Variants in ZFPM2 observed in about 807,000 individuals in gnomAD.
ZFPM2 encodes zinc finger protein, FOG family member 2.
A neutral mutation model predicts 98.6 loss-of-function variants in ZFPM2; 20 were observed. That is an observed-to-expected ratio of 0.20 (90% CI 0.14 to 0.29). ZFPM2 has a LOEUF of 0.29. Ranked by LOEUF, ZFPM2 falls within the 10% of genes least tolerant of loss-of-function variation. ZFPM2 has a pLI of 1.00. For synonymous variants in ZFPM2, 518 were observed against 502.7 expected (o/e 1.03, Z -0.41); for missense variants, 1,310 against 1,388.6 (o/e 0.94, Z 0.90).
chr8:105,649,658 C>G (rs1219259570), intron 5 of ZFPM2, among the ~76,000 whole-genome samples: 3 of 152,018 alleles, frequency 2.0e-5, no homozygotes, highest in South Asian at 4.2e-4. Context: ...TTTGTCTTTG[C>G]TTCTGTTTAT....
intron 1 of ZFPM2, among the ~76,000 whole-genome samples, chr8:105,389,062 G>A (rs970931644): frequency 7.0e-6 from 1 of 142,170 alleles, no homozygotes; most frequent in African/African-American, 2.6e-5. Context: ...GTGTGTGTAG[G>A]CATGAGGGGA....
intron 5 of ZFPM2, among the ~76,000 whole-genome samples, chr8:105,669,536 A>ATG (rs71305176): frequency 0.24 from 33,665 of 138,938 alleles, 4,058 homozygotes; most frequent in South Asian, 0.33. Context: ...GAAAGTGTGC[A>ATG]TGTGTGTGTG....
At chr8:105,750,847 T>C (rs1313757365) in intron 5 of ZFPM2, among the ~76,000 whole-genome samples, 1 of 151,888 alleles carries the variant, frequency 6.6e-6, no homozygotes, top group Non-Finnish European at 1.5e-5. Context: ...TTGGCGGAAA[T>C]ATACAAAAAG....
chr8:105,405,632 G>GTATTCCA (rs1249942889), intron 1 of ZFPM2, among the ~76,000 whole-genome samples: 7 of 151,966 alleles, frequency 4.6e-5, no homozygotes, highest in African/African-American at 1.2e-4. Flanking sequence ...TGGCTGCATA[G>GTATTCCA]TATTCCATGG....
intron 5 of ZFPM2, chr8:105,690,925 AC>A (rs1158314862): frequency 2.0e-5 from 3 of 152,188 alleles, no homozygotes; most frequent in African/African-American, 7.2e-5. Context: ...AGTTAATTTC[AC>A]ATGCAGAAGG....
chr8:105,733,373 G>T (rs1372686416), intron 5 of ZFPM2, among the ~76,000 whole-genome samples: 1 of 151,844 alleles, frequency 6.6e-6, no homozygotes, highest in Non-Finnish European at 1.5e-5. Flanking sequence ...CTCATTTCTG[G>T]CTAAGGGAAT....
intron 5 of ZFPM2, among the ~76,000 whole-genome samples, chr8:105,728,833 G>A (rs1453585110): frequency 6.6e-6 from 1 of 151,730 alleles, no homozygotes; most frequent in African/African-American, 2.4e-5. Context: ...AGTTGTAAAA[G>A]CAATTCCTTC....
In ZFPM2 at chr8:105,703,523, T is replaced by A. The variant is rs192121744; in HGVS notation, c.532+69166T>A. On this transcript the variant is annotated intron_variant, in intron 5 of 7. Coordinates refer to ENST00000407775, the MANE Select transcript of ZFPM2 (RefSeq NM_012082.4). ...TTTTTTGTTGTTGTTTTGTTTTTTT[T>A]AATAAGGTCTTGGCTTGTTTAGGAA... 2.3e-3 allele frequency among the ~76,000 whole-genome samples: 347 copies of A among 152,238 alleles called. 3 individuals carry two copies. Among genetic ancestry groups the A allele is most frequent in the African/African-American group, 7.9e-3 (329 of 41,546 alleles).
At chr8:105,759,431 A>G (rs1023139958) in intron 5 of ZFPM2, among the ~76,000 whole-genome samples, 3 of 152,030 alleles carry the variant, frequency 2.0e-5, no homozygotes, top group African/African-American at 7.2e-5. Context: ...CGCTTCACAG[A>G]CATTCTTCCT....
intron 5 of ZFPM2, chr8:105,787,284 T>G (rs147823468): frequency 5.1e-4 from 78 of 152,368 alleles, no homozygotes; most frequent in African/African-American, 1.9e-3. Context: ...TGTGGTAAAC[T>G]TGTATGCTTT....
intron 3 of ZFPM2, among the ~76,000 whole-genome samples, chr8:105,499,681 A>AT (rs11295646): frequency 2.2e-4 from 33 of 151,194 alleles, no homozygotes; most frequent in Non-Finnish European, 3.4e-4. Context: ...TGAAACACTC[A>AT]TTTTTTTTTC....
intron 1 of ZFPM2, among the ~76,000 whole-genome samples, chr8:105,376,260 C>T (rs1347796741): frequency 6.6e-6 from 1 of 152,164 alleles, no homozygotes; most frequent in Admixed American, 6.5e-5. Flanking sequence ...AGTTTTCTTC[C>T]CATTTGAATG....
intron 5 of ZFPM2, among the ~76,000 whole-genome samples, chr8:105,754,545 C>T (rs1214088841): frequency 6.6e-6 from 1 of 152,050 alleles, no homozygotes; most frequent in Non-Finnish European, 1.5e-5. Context: ...GGAGCAAAGT[C>T]TTTGTCTAGG....
At chr8:105,605,779 A>G (rs982882600) in intron 4 of ZFPM2, among the ~76,000 whole-genome samples, 3 of 152,078 alleles carry the variant, frequency 2.0e-5, no homozygotes, top group East Asian at 3.9e-4. Context: ...GCTGTATGCA[A>G]TGCTCTCCAT....
chr8:105,711,998 A>G lies in ZFPM2; in HGVS notation c.533-76720A>G, dbSNP rs1021353793. The stretch of plus-strand genomic sequence containing the variant: ...TCCTAGAGGACATATCTTATACTGC[A>G]TTTTGTTCCAGAGTTAATTCAGCAA... On this transcript the variant is annotated intron_variant, in intron 5 of 7. Coordinates refer to ENST00000407775, the MANE Select transcript of ZFPM2 (RefSeq NM_012082.4). 3.3e-5 allele frequency among the ~76,000 whole-genome samples: 5 copies of G among 152,152 alleles called. No homozygotes were observed. In the East Asian group the frequency reaches 9.7e-4, roughly 29 times the overall value.
intron 3 of ZFPM2, among the ~76,000 whole-genome samples, chr8:105,496,982 CA>C (rs1207276670): frequency 2.3e-3 from 73 of 31,510 alleles, no homozygotes; most frequent in African/African-American, 5.0e-3. Context: ...AACTCCGTCT[CA>C]AAAAAAAAAA....
intron 3 of ZFPM2, among the ~76,000 whole-genome samples, chr8:105,447,731 CG>C: frequency 6.6e-6 from 1 of 152,032 alleles, no homozygotes; most frequent in African/African-American, 2.4e-5. Context: ...ATAGAGCTGA[CG>C]TCATTTAAGA....
At chr8:105,569,928 C>T (rs563159665) in intron 4 of ZFPM2, among the ~76,000 whole-genome samples, 2 of 152,198 alleles carry the variant, frequency 1.3e-5, no homozygotes, top group African/African-American at 4.8e-5. Flanking sequence ...TTGATGGGAA[C>T]CGTAAGAGCA....
intron 3 of ZFPM2, among the ~76,000 whole-genome samples, chr8:105,450,887 A>G (rs1812471836): frequency 1.3e-5 from 2 of 152,148 alleles, no homozygotes; most frequent in African/African-American, 4.8e-5. Context: ...TTTGTAGAAC[A>G]GAATGCCACA....
Sources: gnomAD v4.1 joint callset for allele counts (sites outside exome capture counted in the v4.1 genomes callset) on GRCh38, gnomAD v4.1.1 for gene constraint, MANE v1.5 for transcripts, NCBI Gene and HGNC (gene_info 2026-07-23, HGNC 2026-07-21) for gene names.